OVCH2: variants seen among roughly 807,000 people sequenced by gnomAD.
OVCH2 encodes the protein ovochymase-2.
Under a neutral mutation model 73.7 loss-of-function variants are expected in OVCH2, and 88 were observed. That is an observed-to-expected ratio of 1.19 (90% confidence interval 1.01 to 1.43). The LOEUF is 1.43. OVCH2 is among the 40% of genes most tolerant of loss of function. The probability of loss-of-function intolerance (pLI) is 0.00; values close to 1 mark genes in which losing one functional copy is unlikely to be tolerated. For missense variants in OVCH2, 706 were observed against 674.5 expected (o/e 1.05, Z -0.52); for synonymous variants, 265 against 234.5 (o/e 1.13, Z -1.19).
chr11:7,704,559 A>G lies in OVCH2; in HGVS notation c.198+6T>C, dbSNP rs1308737015. ...TTCTTGATGCATAGAAGTCCTTGAG[A>G]CTCACCTGCCAGGGATAGGAACCCT... On this transcript the variant is annotated splice_donor_region_variant and intron_variant, in intron 2 of 15. Coordinates refer to ENST00000533663, the MANE Select transcript of OVCH2 (RefSeq NM_198185.7). 9 of 1,581,708 alleles carry G rather than the reference A, an allele frequency of 5.7e-6. No individual in the cohort carries two copies. The highest frequency in any genetic ancestry group is 5.1e-5 in the Admixed American group (3 of 59,404).
the OVCH2 span, among the ~76,000 whole-genome samples, chr11:7,682,017 C>A: frequency 6.6e-6 from 1 of 151,082 alleles, no homozygotes; most frequent in African/African-American, 2.4e-5. Context: ...TTTGTGATGA[C>A]AATTTCTGTT....
the OVCH2 span, among the ~76,000 whole-genome samples, chr11:7,683,403 G>GT: frequency 6.6e-6 from 1 of 152,142 alleles, no homozygotes; most frequent in African/African-American, 2.4e-5. Flanking sequence ...GATCCTGTTG[G>GT]TTTTTTCTTG....
chr11:7,684,273 A>T, the OVCH2 span, among the ~76,000 whole-genome samples: 1 of 152,024 alleles, frequency 6.6e-6, no homozygotes, highest in Non-Finnish European at 1.5e-5. Context: ...GGAAAGCAAT[A>T]GCCTTTCTCA....
At chr11:7,705,338 T>C (rs1324145434) in intron 1 of OVCH2, 1 of 152,238 alleles carries the variant, frequency 6.6e-6, no homozygotes, top group Admixed American at 6.6e-5. Context: ...TTTGCCTCTA[T>C]CATCGGACTA....
downstream of OVCH2, among the ~76,000 whole-genome samples, chr11:7,685,767 T>C (rs1022529432): frequency 4.6e-5 from 7 of 152,114 alleles, no homozygotes; most frequent in Admixed American, 4.6e-4. Context: ...CAAGGGCACA[T>C]CTCTACCTTC....
chr11:7,680,916 CAAGG>C, the OVCH2 span, among the ~76,000 whole-genome samples: 1 of 152,208 alleles, frequency 6.6e-6, no homozygotes, highest in South Asian at 2.1e-4. Context: ...AGAAGTCCCC[CAAGG>C]GAGGAGCCCC....
chr11:7,706,159 T>G (rs12364824), intron 1 of OVCH2, 148 bp downstream of exon 1: 183,552 of 812,412 alleles, frequency 0.23, 21,391 homozygotes, highest in East Asian at 0.3. Context: ...AGGAGATAAG[T>G]CCAAAATAAT....
At chr11:7,682,403 C>T in the OVCH2 span, among the ~76,000 whole-genome samples, 7 of 152,190 alleles carry the variant, frequency 4.6e-5, no homozygotes, top group Non-Finnish European at 7.3e-5. Flanking sequence ...AGAAGCTCCC[C>T]ATTTTCAGCT....
chr11:7,698,966 A>T (rs1160862784), intron 7 of OVCH2, 193 bp from the exon 8 acceptor site: 2 of 545,980 alleles, frequency 3.7e-6, no homozygotes, highest in Non-Finnish European at 6.4e-6. Flanking sequence ...AAATGATTTA[A>T]TTCTCTTTAT....
At chr11:7,701,296 G>C in intron 6 of OVCH2, 28 bp downstream of exon 6, 1 of 1,578,498 alleles carries the variant, frequency 6.3e-7, no homozygotes, top group Non-Finnish European at 8.6e-7. Context: ...CTTGCCTGGG[G>C]CCTGACAGCC....
At chr11:7,690,172 A>G (rs1035685066) in intron 14 of OVCH2, among the ~76,000 whole-genome samples, 159 bp from the exon 15 acceptor site, 2 of 152,242 alleles carry the variant, frequency 1.3e-5, no homozygotes, top group Admixed American at 6.5e-5. Flanking sequence ...CATTTTAACT[A>G]TAACCTGGCT....
chr11:7,696,749 G>A lies in OVCH2; in HGVS notation c.976C>T (p.His326Tyr). 6.2e-7 allele frequency: 1 copy of A among 1,613,090 alleles called. No individual in the cohort carries two copies. Among genetic ancestry groups the A allele is most frequent in the African/African-American group, 1.3e-5 (1 of 75,036 alleles). The change falls in exon 9 of 16, where the codon CAC (histidine) becomes TAC (tyrosine). Residue 326 changes from histidine to tyrosine, a missense_variant. Physicochemically the swap from His to Tyr is moderately conservative, Grantham distance 83. Transcript: ENST00000533663. ...VIVSGAEGKL[H>Y]FPESLHLYYE... The stretch of plus-strand genomic sequence containing the variant: ...TATAGGTGGAGGCTTTCTGGGAAGT[G>A]CAGCTTCCCCTCAGCCCCGCTGACT...
chr11:7,703,162 A>T (rs1856474920), intron 3 of OVCH2, among the ~76,000 whole-genome samples: 1 of 152,192 alleles, frequency 6.6e-6, no homozygotes, highest in Non-Finnish European at 1.5e-5. Context: ...TGGGAACATG[A>T]TCTTGATTAC....
rs1208430607 is a variant in OVCH2 at position 7,706,133 on chromosome 11, G to A, written c.88+174C>T. On this transcript the variant is annotated intron_variant, in intron 1 of 15. Transcript: ENST00000533663. ...GCATTCTATAAATGTTTCACCCTGTGTCCTATGCCGATTGCAGGAGATAAG... is the reference window on the plus strand; with the variant it reads ...GCATTCTATAAATGTTTCACCCTGTATCCTATGCCGATTGCAGGAGATAAG... 6 of 613,656 alleles carry A rather than the reference G, an allele frequency of 9.8e-6. No individual in the cohort carries two copies. In the East Asian group the frequency reaches 1.7e-4, roughly 18 times the overall value. 38.0% of individuals were successfully genotyped at this position (613,656 alleles called of 1,614,324 possible). A position where few individuals can be genotyped will look rare whatever the true frequency, so the allele number is the denominator to read the frequency against.
chr11:7,683,328 A>C, the OVCH2 span, among the ~76,000 whole-genome samples: 1 of 152,076 alleles, frequency 6.6e-6, no homozygotes, highest in Non-Finnish European at 1.5e-5. Context: ...CCAGTTGATC[A>C]GGCCAAAAGC....
chr11:7,697,919 C>CTT lies in OVCH2; in HGVS notation c.925+829_925+830dup, dbSNP rs1179781230. On this transcript the variant is annotated intron_variant, in intron 8 of 15. Transcript: ENST00000533663. Reference sequence around the variant, plus strand: ...TTTCTATTACTCAATCGTATCCAAACTTTTTTGGCTAGCATTTAAAGTTTC... The same window carrying CTT: ...TTTCTATTACTCAATCGTATCCAAACTTTTTTTTGGCTAGCATTTAAAGTTTC... Among the ~76,000 whole-genome samples the CTT allele has an allele frequency of 2.0e-5, 3 of 152,300 alleles. No homozygotes were observed. The East Asian group carries it at 5.8e-4, about 29-fold the overall frequency.
intron 8 of OVCH2, 92 bp downstream of exon 8, chr11:7,698,658 G>T (rs184379352): frequency 7.3e-7 from 1 of 1,367,930 alleles, no homozygotes; most frequent in Admixed American, 2.0e-5. Flanking sequence ...AGCAGGGAGC[G>T]CTCTTGGAGA....
rs935253840 is a variant in OVCH2, at chr11:7,691,943, T to C, written c.1466A>G (p.Tyr489Cys). Residue 489 changes from tyrosine to cysteine, a missense_variant, in exon 13 of 16, where the codon TAT (tyrosine) becomes TGT (cysteine). By Grantham distance (194) the Tyr-to-Cys change is radical. Transcript: ENST00000533663. ...IEESGDCTSD[Y>C]VTVHSDVERK... ...TTCTACATCGCTGTGCACTGTCACA[T>C]AGTCGGAAGTGCAGTCTCCACTTTC... 6 of 1,578,442 alleles carry C rather than the reference T, an allele frequency of 3.8e-6. No individual in the cohort carries two copies. The highest frequency in any genetic ancestry group is 1.3e-5 in the African/African-American group (1 of 74,400).
chr11:7,703,668 G>A, intron 3 of OVCH2, 30 bp downstream of exon 3: 1 of 1,528,338 alleles, frequency 6.5e-7, no homozygotes, highest in South Asian at 1.3e-5. Flanking sequence ...TGGTGGTGTG[G>A]TCTTCACTCA....
Sources: gnomAD v4.1 joint callset for allele counts (sites outside exome capture counted in the v4.1 genomes callset) on GRCh38, gnomAD v4.1.1 for gene constraint, MANE v1.5 for transcripts, NCBI Gene and HGNC (gene_info 2026-07-23, HGNC 2026-07-21) for gene names.